The following SIPA1L2 variants were observed in gnomAD, a reference collection of about 807,000 sequenced individuals.
SIPA1L2 encodes the protein signal induced proliferation associated 1 like 2, also known as signal-induced proliferation-associated 1-like protein 2.
In SIPA1L2, 56 loss-of-function variants were observed where a neutral mutation model predicts 163.9. That is an observed-to-expected ratio of 0.34 (90% CI 0.28 to 0.43). SIPA1L2 has a LOEUF of 0.43. Among genes scored for constraint, SIPA1L2 ranks in the 20% least tolerant of loss-of-function variants. SIPA1L2 has a pLI of 1.00. For synonymous variants in SIPA1L2, 877 were observed against 865.7 expected, an observed-to-expected ratio of 1.01 and a Z score of -0.23; for missense variants, 1,974 against 2,193.5, an observed-to-expected ratio of 0.90 and a Z score of 2.00.
At chr1:232,470,536 C>T (rs16857278) in intron 8 of SIPA1L2, among the ~76,000 whole-genome samples, 2,353 of 152,214 alleles carry the variant, frequency 0.015, 59 homozygotes, top group African/African-American at 0.052. Flanking sequence ...AAGGAATAGT[C>T]GTGTCTCTGA....
chr1:232,546,794 T>G (rs1294751398), intron 2 of SIPA1L2, among the ~76,000 whole-genome samples: 1 of 152,148 alleles, frequency 6.6e-6, no homozygotes, highest in Non-Finnish European at 1.5e-5. Context: ...GTGAAAGAGA[T>G]AACCGCACAG....
At chr1:232,578,529 C>G (rs1023078672) in intron 1 of SIPA1L2, among the ~76,000 whole-genome samples, 1 of 152,080 alleles carries the variant, frequency 6.6e-6, no homozygotes, top group Non-Finnish European at 1.5e-5. Context: ...AAGCTTTCTA[C>G]TCTCATCTAT....
chr1:232,416,131 T>C (rs1040258314), intron 18 of SIPA1L2, among the ~76,000 whole-genome samples: 4 of 147,248 alleles, frequency 2.7e-5, no homozygotes, highest in African/African-American at 7.6e-5. Context: ...GGCACCACTG[T>C]CCCTCCCAGA....
At chr1:232,444,881 A>T (rs1193104560) in intron 11 of SIPA1L2, among the ~76,000 whole-genome samples, 1 of 152,224 alleles carries the variant, frequency 6.6e-6, no homozygotes, top group Non-Finnish European at 1.5e-5. Flanking sequence ...CCGTGCCTAC[A>T]TGTTACATAA....
intron 15 of SIPA1L2, among the ~76,000 whole-genome samples, chr1:232,433,191 G>A (rs1241419298): frequency 2.6e-5 from 4 of 152,176 alleles, no homozygotes; most frequent in Admixed American, 1.3e-4. Context: ...TAATAACTAT[G>A]AATGAATACA....
At chr1:232,557,265 C>T (rs985633867) in intron 2 of SIPA1L2, among the ~76,000 whole-genome samples, 2 of 152,098 alleles carry the variant, frequency 1.3e-5, no homozygotes, top group African/African-American at 2.4e-5. Context: ...TTCTGGCATT[C>T]GCTTCTACCT....
chr1:232,607,773 A>C (rs1662010288), intron 1 of SIPA1L2, among the ~76,000 whole-genome samples: 1 of 150,942 alleles, frequency 6.6e-6, no homozygotes, highest in East Asian at 2.0e-4. Context: ...AAAAAAAAAA[A>C]CGCCGGGCAC....
intron 11 of SIPA1L2, among the ~76,000 whole-genome samples, chr1:232,444,903 A>C (rs1160169572): frequency 6.6e-6 from 1 of 152,220 alleles, no homozygotes; most frequent in East Asian, 1.9e-4. Flanking sequence ...AGTTAGAATA[A>C]AAGGAGTACG....
At chr1:232,441,236 T>G (rs926025957) in intron 14 of SIPA1L2, 55 bp downstream of exon 14, 4 of 1,362,708 alleles carry the variant, frequency 2.9e-6, no homozygotes, top group Non-Finnish European at 4.0e-6. Context: ...CACTGTGTGC[T>G]GAGACAGATC....
At chr1:232,483,727 G>C in intron 6 of SIPA1L2, 65 bp downstream of exon 6, 2 of 1,584,430 alleles carry the variant, frequency 1.3e-6, no homozygotes, top group Non-Finnish European at 8.6e-7. Flanking sequence ...CACTTACTTG[G>C]ATTTATGAAG....
chr1:232,488,006 T>G (rs1665736402), intron 5 of SIPA1L2, among the ~76,000 whole-genome samples: 1 of 150,992 alleles, frequency 6.6e-6, no homozygotes, highest in African/African-American at 2.4e-5. Flanking sequence ...CAGGCTGGAG[T>G]GCAGTGGTGC....
At chr1:232,472,222 G>A (rs1664836333) in intron 7 of SIPA1L2, among the ~76,000 whole-genome samples, 1 of 152,084 alleles carries the variant, frequency 6.6e-6, no homozygotes, top group African/African-American at 2.4e-5. Flanking sequence ...CTTCCCTCCA[G>A]GTTTCTCCCA....
intron 3 of SIPA1L2, among the ~76,000 whole-genome samples, chr1:232,506,959 A>G (rs1666757678): frequency 6.6e-6 from 1 of 152,208 alleles, no homozygotes; most frequent in South Asian, 2.1e-4. Flanking sequence ...GAGTTCCCTT[A>G]TACCCATCTC....
At chr1:232,408,281 A>T (rs1416301598) in intron 19 of SIPA1L2, among the ~76,000 whole-genome samples, 1 of 135,560 alleles carries the variant, frequency 7.4e-6, no homozygotes, top group Non-Finnish European at 1.6e-5. Context: ...TAGACCTATG[A>T]AGGACTGTTT....
chr1:232,432,850 A>G (rs1662330963), intron 15 of SIPA1L2, among the ~76,000 whole-genome samples: 1 of 152,216 alleles, frequency 6.6e-6, no homozygotes, highest in African/African-American at 2.4e-5. Flanking sequence ...GCAAACCACA[A>G]TGGAATAGCA....
At chr1:232,570,802 G>A (rs1659683119) in intron 2 of SIPA1L2, among the ~76,000 whole-genome samples, 1 of 151,592 alleles carries the variant, frequency 6.6e-6, no homozygotes, top group African/African-American at 2.4e-5. Context: ...TAACAGACTG[G>A]AAAAAATTTA....
At chr1:232,628,480 AAACT>A (rs1231773779) in intron 1 of SIPA1L2, among the ~76,000 whole-genome samples, 2 of 152,242 alleles carry the variant, frequency 1.3e-5, no homozygotes, top group African/African-American at 4.8e-5. Context: ...CAGAATGACA[AAACT>A]AACAGAACTC....
chr1:232,440,031 A>G (rs996698424), intron 14 of SIPA1L2, among the ~76,000 whole-genome samples: 38 of 152,224 alleles, frequency 2.5e-4, no homozygotes, highest in African/African-American at 7.7e-4. Context: ...ATGCAGAACC[A>G]CTTGGCTGCT....
At chr1:232,431,518 A>G (rs1223176623) in intron 16 of SIPA1L2, among the ~76,000 whole-genome samples, 3 of 152,248 alleles carry the variant, frequency 2.0e-5, no homozygotes, top group East Asian at 1.9e-4. Context: ...AGCCACGCTC[A>G]GCACCACACG....
Sources: allele counts gnomAD v4.1 joint callset (sites outside exome capture counted in the v4.1 genomes callset), GRCh38; gene constraint gnomAD v4.1.1; transcripts MANE v1.5; gene names NCBI Gene and HGNC (gene_info 2026-07-23, HGNC 2026-07-21).